The following ZSCAN20 variants were observed in gnomAD, a reference collection of about 807,000 sequenced individuals.
ZSCAN20 encodes the protein zinc finger and SCAN domain-containing protein 20.
In ZSCAN20, 39 loss-of-function variants were observed where a neutral mutation model predicts 97.1. The observed-to-expected ratio is 0.40, with a 90% CI of 0.31 to 0.52. The LOEUF (loss-of-function observed/expected upper bound fraction) is 0.52, where lower values mean the gene tolerates loss of function less well. Ranked by LOEUF, ZSCAN20 falls within the 20% of genes least tolerant of loss-of-function variation. ZSCAN20 has a pLI of 0.49. For missense variants in ZSCAN20, 1,115 were observed against 1,290.4 expected, an observed-to-expected ratio of 0.86 and a Z score of 2.08; for synonymous variants, 456 against 467.3, an observed-to-expected ratio of 0.98 and a Z score of 0.31.
rs545584665 is a variant in ZSCAN20 at position 33,491,712 on chromosome 1, T to C, written c.1444+10T>C. The C allele has an allele frequency of 3.6e-5, 56 of 1,560,820 alleles. 1 individual carries two copies. In the African/African-American group the frequency reaches 7.1e-4, roughly 20 times the overall value. ...TTCCAGAGTCGTATTGGTAAGAACA[T>C]GGGGGTTTAGTCAGATTCAGATTTC... On this transcript the variant is annotated intron_variant, in intron 6 of 7. Coordinates refer to ENST00000684572, the MANE Select transcript of ZSCAN20 (RefSeq NM_001377376.1). This position sits in a 1 kb window ranked among gnomAD's most constrained non-coding sequence, Gnocchi z 4.3.
In ZSCAN20 at chr1:33,495,348, CTTA is replaced by C. The variant is rs1652820617; in HGVS notation, c.3010_3012del (p.Ile1004del). ...GAAATGCTTTAACCAGAGCTCCAGT[CTTA>C]TTATTCACCAGAGAATCCACACAGG... On this transcript the variant is annotated inframe_deletion, in exon 8 of 8. Coordinates refer to ENST00000684572, the MANE Select transcript of ZSCAN20 (RefSeq NM_001377376.1). 1.2e-6 allele frequency: 2 copies of C among 1,613,386 alleles called. No homozygotes were observed. Among genetic ancestry groups the C allele is most frequent in the Non-Finnish European group, 1.7e-6 (2 of 1,179,594 alleles).
intron 1 of ZSCAN20, among the ~76,000 whole-genome samples, chr1:33,474,139 G>A (rs1651835199): frequency 6.6e-6 from 1 of 152,208 alleles, no homozygotes; most frequent in Admixed American, 6.5e-5. Context: ...GGCAGTCATG[G>A]CTAATTGGTT....
Position 33,493,179 on chromosome 1 carries a change from C to T in ZSCAN20, c.1445-8C>T. The T allele has an allele frequency of 6.2e-7, 1 of 1,611,626 alleles. No individual in the cohort carries two copies. On this transcript the variant is annotated splice_polypyrimidine_tract_variant and splice_region_variant and intron_variant, in intron 6 of 7. Coordinates refer to ENST00000684572, the MANE Select transcript of ZSCAN20 (RefSeq NM_001377376.1). The surrounding 1 kb of genome is among the most constrained non-coding windows in gnomAD (Gnocchi z 4.3). ...GTCTCACAGTTCTCAACTCTTCACT[C>T]CTGACAGCAGGTGTGCACTGGGGCT...
rs1652635767 is a variant in ZSCAN20 at position 33,491,940 on chromosome 1, T to G, written c.1444+238T>G. 1 of 387,752 alleles carries G rather than the reference T, an allele frequency of 2.6e-6. No homozygotes were observed. Among genetic ancestry groups the G allele is most frequent in the Non-Finnish European group, 4.6e-6 (1 of 218,812 alleles). The allele number at this position is 387,752 out of a possible 1,614,324, so 24.0% of individuals were successfully genotyped here. ...TAAAGCCTTAAGGGGCCTCAAAGAG[T>G]GAATCCAGTATTTCCAAAAGTGTGT... On this transcript the variant is annotated intron_variant, in intron 6 of 7. Transcript: ENST00000684572. This position sits in a 1 kb window ranked among gnomAD's most constrained non-coding sequence, Gnocchi z 4.3.
intron 2 of ZSCAN20, among the ~76,000 whole-genome samples, chr1:33,480,772 A>G (rs79924651): frequency 0.02 from 3,032 of 152,324 alleles, 79 homozygotes; most frequent in East Asian, 0.073. Flanking sequence ...ACAATTTGCA[A>G]GTGACCGCTG....
Position 33,500,353 on chromosome 1 carries a change from C to T in ZSCAN20, c.*4877C>T, listed in dbSNP as rs978567185. Among the ~76,000 whole-genome samples, 16 of 151,754 alleles carry T rather than the reference C, an allele frequency of 1.1e-4. No homozygotes were observed. Among genetic ancestry groups the T allele is most frequent in the Admixed American group, 2.0e-4 (3 of 15,244 alleles). Reference sequence around the variant, plus strand: ...CCTACAGGAGCCTGCACCCCAGTAACCCCATTTTATGCTGCTTGGAGGAAG... The same window carrying T: ...CCTACAGGAGCCTGCACCCCAGTAATCCCATTTTATGCTGCTTGGAGGAAG... On this transcript the variant is annotated 3_prime_UTR_variant, in exon 8 of 8. Coordinates refer to ENST00000684572, the MANE Select transcript of ZSCAN20 (RefSeq NM_001377376.1).
chr1:33,482,954 G>A (rs146498794), intron 2 of ZSCAN20, among the ~76,000 whole-genome samples: 8 of 152,158 alleles, frequency 5.3e-5, no homozygotes, highest in South Asian at 2.1e-4. Flanking sequence ...TTGTATGTTC[G>A]GGGTAACGGT....
Position 33,493,563 on chromosome 1 carries a change from C to G in ZSCAN20, c.1821C>G (p.Ala607=). 6.2e-7 allele frequency: 1 copy of G among 1,608,780 alleles called. No individual in the cohort carries two copies. The highest frequency in any genetic ancestry group is 8.5e-7 in the Non-Finnish European group (1 of 1,176,548). Residue 607 remains alanine, a synonymous_variant, in exon 7 of 8, where the codon GCC becomes GCG. Transcript: ENST00000684572. This position sits in a 1 kb window ranked among gnomAD's most constrained non-coding sequence, Gnocchi z 4.3. ...CCCAGGAGGCCTGGGGTGAAGTGGC[C>G]AATGAAGATGCTGTCAAACCTTCAA... ...TDAQEAWGEV[A]NEDAVKPSTL...
intron 2 of ZSCAN20, among the ~76,000 whole-genome samples, chr1:33,484,459 T>G (rs1285574907): frequency 6.6e-6 from 1 of 152,220 alleles, no homozygotes; most frequent in Non-Finnish European, 1.5e-5. Flanking sequence ...ATGTGATTTT[T>G]CTTTTTTTGC....
intron 2 of ZSCAN20, among the ~76,000 whole-genome samples, chr1:33,482,391 A>G (rs753762291): frequency 1.1e-4 from 16 of 152,154 alleles, no homozygotes; most frequent in Non-Finnish European, 2.2e-4. Flanking sequence ...ACGTCTTTTC[A>G]TGGCTTGTTA....
chr1:33,483,068 C>T (rs891998637), intron 2 of ZSCAN20, among the ~76,000 whole-genome samples: 5 of 152,114 alleles, frequency 3.3e-5, no homozygotes, highest in African/African-American at 1.2e-4. Flanking sequence ...TTAATTTTAA[C>T]GAAGTCCAGC....
At chr1:33,474,207 C>A (rs888497733) in intron 1 of ZSCAN20, among the ~76,000 whole-genome samples, 2 of 152,236 alleles carry the variant, frequency 1.3e-5, no homozygotes, top group Admixed American at 1.3e-4. Context: ...CTCTAGGCAG[C>A]CACTTCCAGT....
rs779407808 is a variant in ZSCAN20 at position 33,493,409 on chromosome 1, C to T, written c.1667C>T (p.Pro556Leu). The T allele has an allele frequency of 6.2e-6, 10 of 1,614,070 alleles. No homozygotes were observed. The East Asian group carries it at 2.2e-4, about 36-fold the overall frequency. ...CGGAAAGCCAAGAGCAGCCACCCACCAGGGACATGCCCTTTCTATGAGGAA... is the reference window on the plus strand; with the variant it reads ...CGGAAAGCCAAGAGCAGCCACCCACTAGGGACATGCCCTTTCTATGAGGAA... Reference protein sequence around the residue: ...SYRKAKSSHPPGTCPFYEELD... With the variant: ...SYRKAKSSHPLGTCPFYEELD... The change falls in exon 7 of 8, where the codon CCA (proline) becomes CTA (leucine). Residue 556 changes from proline (P) to leucine (L), a missense_variant. Pro to Leu is a moderately conservative substitution (Grantham distance 98). This residue lies in a region of ZSCAN20 where 53 missense variants were observed against 94.3 expected (regional missense o/e 0.56). Transcript: ENST00000684572. The surrounding 1 kb of genome is among the most constrained non-coding windows in gnomAD (Gnocchi z 4.3).
intron 1 of ZSCAN20, among the ~76,000 whole-genome samples, chr1:33,474,258 C>T (rs1023206790): frequency 6.6e-6 from 1 of 152,222 alleles, no homozygotes; most frequent in Admixed American, 6.5e-5. Flanking sequence ...ATTTGCTCTC[C>T]CTGGCTTAAG....
rs751881775 is a variant in ZSCAN20, at chr1:33,488,561, C to G, written c.514C>G (p.Gln172Glu). The G allele has an allele frequency of 1.2e-6, 2 of 1,613,760 alleles. No homozygotes were observed. The highest frequency in any genetic ancestry group is 1.7e-6 in the Non-Finnish European group (2 of 1,179,918). The part of the protein sequence containing the change: ...LQPVDPWPEG[Q>E]SQKKGVKNTC... ...GCCAGTGGATCCCTGGCCTGAGGGA[C>G]AGTCCCAGAAGAAGGGGGTGAAGAA... The change falls in exon 3 of 8, where the codon CAG becomes GAG. Residue 172 changes from glutamine (Q) to glutamate (E), a missense_variant. Transcript: ENST00000684572.
chr1:33,473,644 C>T (rs1651814374), intron 1 of ZSCAN20, among the ~76,000 whole-genome samples: 1 of 152,164 alleles, frequency 6.6e-6, no homozygotes, highest in Non-Finnish European at 1.5e-5. Context: ...TTGCCCTTCA[C>T]CTTCTTTGCC....
Position 33,493,632 on chromosome 1 carries a change from T to G in ZSCAN20, c.1873+17T>G. On this transcript the variant is annotated intron_variant, in intron 7 of 7. Coordinates refer to ENST00000684572, the MANE Select transcript of ZSCAN20 (RefSeq NM_001377376.1). This position sits in a 1 kb window ranked among gnomAD's most constrained non-coding sequence, Gnocchi z 4.3. ...CAGACATGGGTAAGCCTGGAGTAAT[T>G]GGATGTTCTCAAAATCTGTGGGCAT... 1 of 1,529,686 alleles carries G rather than the reference T, an allele frequency of 6.5e-7. No homozygotes were observed. The highest frequency in any genetic ancestry group is 1.3e-5 in the South Asian group (1 of 77,182). 94.8% of individuals were successfully genotyped at this position (1,529,686 alleles called of 1,614,324 possible).
rs769038051 is a variant in ZSCAN20, at chr1:33,494,715, G to GA, written c.2375dup (p.Pro793AlafsTer3). 1 of 1,613,968 alleles carries GA rather than the reference G, an allele frequency of 6.2e-7. No homozygotes were observed. Among genetic ancestry groups the GA allele is most frequent in the East Asian group, 2.2e-5 (1 of 44,870 alleles). On this transcript the variant is annotated frameshift_variant, in exon 8 of 8. Coordinates refer to ENST00000684572, the MANE Select transcript of ZSCAN20 (RefSeq NM_001377376.1). LOFTEE classifies it high-confidence loss of function. ...CACTCACCAGAGAATTCACACGGGGGAAAAGCCCTATAAATGTGGAGAATG... is the reference window on the plus strand; with the variant it reads ...CACTCACCAGAGAATTCACACGGGGGAAAAAGCCCTATAAATGTGGAGAATG...
Position 33,479,570 on chromosome 1 carries a change from C to T in ZSCAN20, c.282C>T (p.Leu94=), listed in dbSNP as rs370765016. The T allele has an allele frequency of 6.4e-5, 104 of 1,613,788 alleles. No individual in the cohort carries two copies. The Middle Eastern group carries it at 6.6e-4, about 10-fold the overall frequency. The change falls in exon 2 of 8, where the codon CTC becomes CTT. Residue 94 remains leucine, a synonymous_variant. Coordinates refer to ENST00000684572, the MANE Select transcript of ZSCAN20 (RefSeq NM_001377376.1). ...TCAAAGAGCAGATCCTGGAGCTGCTCGTGCTGGAGCAGTTCCTGACTATCT... is the reference window on the plus strand; with the variant it reads ...TCAAAGAGCAGATCCTGGAGCTGCTTGTGCTGGAGCAGTTCCTGACTATCT... The part of the protein sequence containing the change: ...IRLKEQILEL[L]VLEQFLTILP...
Sources: allele counts gnomAD v4.1 joint callset (sites outside exome capture counted in the v4.1 genomes callset), GRCh38; gene constraint gnomAD v4.1.1; regional missense constraint gnomAD v4.1.1; non-coding constraint Gnocchi (gnomAD v3.1); transcripts MANE v1.5; gene names NCBI Gene and HGNC (gene_info 2026-07-23, HGNC 2026-07-21).